The following TGFBR1 variants were observed in gnomAD, a reference collection of about 807,000 sequenced individuals.
TGFBR1 encodes TGF-beta receptor type-1.
TGFBR1 carries 20 observed loss-of-function variants against 55.1 expected under a neutral mutation model. The observed-to-expected ratio is 0.36, with a 90% CI of 0.26 to 0.53. TGFBR1 has a LOEUF of 0.53. Among genes scored for constraint, TGFBR1 ranks in the 20% least tolerant of loss-of-function variants. The pLI, the probability that TGFBR1 is intolerant of heterozygous loss-of-function variation, is 0.91. For synonymous variants in TGFBR1, 220 were observed against 214.8 expected (o/e 1.02, Z -0.21); for missense variants, 385 against 617.6 (o/e 0.62, Z 3.99).
rs940141978 is a variant in TGFBR1, at chr9:99,146,388, C to A, written c.1131-97C>A. On this transcript the variant is annotated intron_variant, in intron 6 of 8. Transcript: ENST00000374994. Reference sequence around the variant, plus strand: ...AATATTTGTTATGTAATATTGTGTACATATGTCTATGTATAAAGAAATGTC... The same window carrying A: ...AATATTTGTTATGTAATATTGTGTAAATATGTCTATGTATAAAGAAATGTC... 7 of 1,356,474 alleles carry A rather than the reference C, an allele frequency of 5.2e-6. No individual in the cohort carries two copies. The African/African-American group carries it at 7.2e-5, about 14-fold the overall frequency. The allele number at this position is 1,356,474 out of a possible 1,614,324, so 84.0% of individuals were successfully genotyped here. A position where few individuals can be genotyped will look rare whatever the true frequency, so the allele number is the denominator to read the frequency against.
intron 1 of TGFBR1, among the ~76,000 whole-genome samples, chr9:99,115,306 C>G (rs1826703634): frequency 6.6e-6 from 1 of 152,074 alleles, no homozygotes; most frequent in Admixed American, 6.5e-5. Flanking sequence ...ACCATTCCAT[C>G]TAGATTTCCT....
Position 99,129,100 on chromosome 9 carries a change from G to GGTAA in TGFBR1, c.343+3_343+6dup. ...CAATAAAATAGAACTTCCAACTACT[G>GGTAA]GTAAGTTGTATAAAATTTTTTTCCT... On this transcript the variant is annotated frameshift_variant and splice_region_variant. Coordinates refer to ENST00000374994, the MANE Select transcript of TGFBR1 (RefSeq NM_004612.4). LOFTEE classifies it high-confidence loss of function. 6.2e-7 allele frequency: 1 copy of GGTAA among 1,613,608 alleles called. No homozygotes were observed. Among genetic ancestry groups the GGTAA allele is most frequent in the South Asian group, 1.1e-5 (1 of 91,064 alleles).
intron 1 of TGFBR1, among the ~76,000 whole-genome samples, chr9:99,111,652 A>G (rs892639523): frequency 6.6e-6 from 1 of 152,142 alleles, no homozygotes; most frequent in South Asian, 2.1e-4. Flanking sequence ...AAACAAAAAA[A>G]CAGCAACAAA....
intron 2 of TGFBR1, among the ~76,000 whole-genome samples, chr9:99,131,610 A>G (rs969336174): frequency 6.6e-6 from 1 of 151,896 alleles, no homozygotes; most frequent in Non-Finnish European, 1.5e-5. Context: ...AAGATAGTAT[A>G]AAAAGTATAT....
rs1182141020 is a variant in TGFBR1, at chr9:99,137,763, G to GT, written c.575-95dup. ...TAAATTCCTAAAGGGATAGCTTAAAGTATCAGTTTTCTGGGTCACTCATTA... is the reference window on the plus strand; with the variant it reads ...TAAATTCCTAAAGGGATAGCTTAAAGTTATCAGTTTTCTGGGTCACTCATTA... On this transcript the variant is annotated intron_variant, in intron 3 of 8. Transcript: ENST00000374994. 2.2e-5 allele frequency: 20 copies of GT among 917,680 alleles called. No homozygotes were observed. In the East Asian group the frequency reaches 5.1e-4, roughly 24 times the overall value. The allele number at this position is 917,680 out of a possible 1,614,324, so 56.8% of individuals were successfully genotyped here. A position where few individuals can be genotyped will look rare whatever the true frequency, so the allele number is the denominator to read the frequency against.
chr9:99,123,324 A>G (rs1038611453), intron 1 of TGFBR1, among the ~76,000 whole-genome samples: 8 of 152,142 alleles, frequency 5.3e-5, no homozygotes, highest in African/African-American at 1.9e-4. Context: ...TGTGCATCTC[A>G]AGATTAAGAA....
At chr9:99,108,436 C>T (rs1243170371) in intron 1 of TGFBR1, among the ~76,000 whole-genome samples, 1 of 152,148 alleles carries the variant, frequency 6.6e-6, no homozygotes, top group Non-Finnish European at 1.5e-5. Flanking sequence ...GTTAAACATC[C>T]TTTCTGATTG....
chr9:99,111,295 C>CTTTT lies in TGFBR1; in HGVS notation c.97+6020_97+6023dup, dbSNP rs3034196. ...ACATTTGGCATATCCTGCACCCATGCTTTTTTTTTTTTTTTTTTTTTTTTT... is the reference window on the plus strand; with the variant it reads ...ACATTTGGCATATCCTGCACCCATGCTTTTTTTTTTTTTTTTTTTTTTTTTTTTT... On this transcript the variant is annotated intron_variant, in intron 1 of 8. Transcript: ENST00000374994. 6.7e-3 allele frequency among the ~76,000 whole-genome samples: 369 copies of CTTTT among 55,146 alleles called. 45 individuals carry two copies. The highest frequency in any genetic ancestry group is 0.011 in the African/African-American group (149 of 13,042). 36.2% of individuals were successfully genotyped at this position (55,146 alleles called of 152,430 possible).
intron 4 of TGFBR1, among the ~76,000 whole-genome samples, chr9:99,140,434 C>T (rs951840932): frequency 1.1e-4 from 17 of 151,634 alleles, no homozygotes; most frequent in African/African-American, 4.1e-4. Flanking sequence ...CCAGCCTGGG[C>T]GACACAGGGA....
At chr9:99,108,291 CT>C (rs1026456728) in intron 1 of TGFBR1, among the ~76,000 whole-genome samples, 8 of 152,186 alleles carry the variant, frequency 5.3e-5, no homozygotes, top group African/African-American at 1.7e-4. Flanking sequence ...GCAATACCTA[CT>C]TTTGCCTAAT....
At chr9:99,142,732 A>G in intron 5 of TGFBR1, 29 bp downstream of exon 5, 1 of 1,612,538 alleles carries the variant, frequency 6.2e-7, no homozygotes, top group Non-Finnish European at 8.5e-7. Flanking sequence ...CTATTATTTA[A>G]GCTTTAAATT....
rs1827953427 is a variant in TGFBR1 at position 99,150,538 on chromosome 9, T to A, written c.*1233T>A. On this transcript the variant is annotated 3_prime_UTR_variant, in exon 9 of 9. Coordinates refer to ENST00000374994, the MANE Select transcript of TGFBR1 (RefSeq NM_004612.4). Reference sequence around the variant, plus strand: ...TAACAGATGTGCAAGAAAGTCACATTTGTTATGTATGTAGGAGTAAACGTT... The same window carrying A: ...TAACAGATGTGCAAGAAAGTCACATATGTTATGTATGTAGGAGTAAACGTT... 4.7e-6 allele frequency: 1 copy of A among 215,006 alleles called. No homozygotes were observed. Among genetic ancestry groups the A allele is most frequent in the Non-Finnish European group, 9.4e-6 (1 of 106,328 alleles). 13.3% of individuals were successfully genotyped at this position (215,006 alleles called of 1,614,324 possible).
At chr9:99,130,285 A>G (rs1439338670) in intron 2 of TGFBR1, among the ~76,000 whole-genome samples, 1 of 152,204 alleles carries the variant, frequency 6.6e-6, no homozygotes, top group African/African-American at 2.4e-5. Context: ...GTTCCCTTTT[A>G]GGAAGCACCT....
At chr9:99,137,112 G>T (rs990591511) in intron 3 of TGFBR1, among the ~76,000 whole-genome samples, 1 of 152,134 alleles carries the variant, frequency 6.6e-6, no homozygotes, top group Non-Finnish European at 1.5e-5. Flanking sequence ...GAAAAACAGT[G>T]CTCCATTACC....
At chr9:99,148,293 A>G (rs1827865469) in intron 8 of TGFBR1, among the ~76,000 whole-genome samples, 1 of 152,242 alleles carries the variant, frequency 6.6e-6, no homozygotes, top group Non-Finnish European at 1.5e-5. Context: ...TTAACCAGGA[A>G]TTTAGGGAAA....
chr9:99,107,331 C>T (rs530141570), intron 1 of TGFBR1, among the ~76,000 whole-genome samples: 1 of 152,288 alleles, frequency 6.6e-6, no homozygotes, highest in African/African-American at 2.4e-5. Flanking sequence ...TTTTTATGTT[C>T]TGAGTATGTT....
At chr9:99,124,601 A>G (rs1268378536) in intron 1 of TGFBR1, among the ~76,000 whole-genome samples, 1 of 152,180 alleles carries the variant, frequency 6.6e-6, no homozygotes, top group African/African-American at 2.4e-5. Context: ...TGGCAATTAA[A>G]ACTCATGTTC....
chr9:99,138,096 A>G lies in TGFBR1; in HGVS notation c.805+7A>G, dbSNP rs200969785. 2 of 1,610,860 alleles carry G rather than the reference A, an allele frequency of 1.2e-6. No homozygotes were observed. Among genetic ancestry groups the G allele is most frequent in the African/African-American group, 2.7e-5 (2 of 74,994 alleles). On this transcript the variant is annotated splice_region_variant and intron_variant, in intron 4 of 8. Transcript: ENST00000374994. The stretch of plus-strand genomic sequence containing the variant: ...ATAGCAGCAGACAATAAAGGTCTGT[A>G]ACATTTGCTTTTCCTTATGTTATAT...
intron 1 of TGFBR1, among the ~76,000 whole-genome samples, chr9:99,114,598 G>C (rs981683289): frequency 7.2e-5 from 11 of 152,156 alleles, no homozygotes; most frequent in African/African-American, 2.7e-4. Context: ...TTAAGTCTCT[G>C]ATCCAAGTAT....
Sources: allele counts gnomAD v4.1 joint callset (sites outside exome capture counted in the v4.1 genomes callset), GRCh38; gene constraint gnomAD v4.1.1; transcripts MANE v1.5; gene names NCBI Gene and HGNC (gene_info 2026-07-23, HGNC 2026-07-21).